Variants in CDH23 observed in about 807,000 individuals in gnomAD.
The protein encoded by CDH23 is cadherin-23.
CDH23 carries 189 observed loss-of-function variants against 317.1 expected under a neutral mutation model. That is an observed-to-expected ratio of 0.60 (90% CI 0.53 to 0.67). The LOEUF is 0.67. Among genes scored for constraint, CDH23 ranks in the 30% least tolerant of loss-of-function variants. The pLI, the probability that CDH23 is intolerant of heterozygous loss-of-function variation, is 0.00. For missense variants in CDH23, 4,401 were observed against 4,592.4 expected (o/e 0.96, Z 1.20); for synonymous variants, 1,839 against 1,876.8 (o/e 0.98, Z 0.52).
intron 9 of CDH23, among the ~76,000 whole-genome samples, chr10:71,612,273 G>T (rs1437304256): frequency 1.3e-5 from 2 of 151,788 alleles, no homozygotes; most frequent in Admixed American, 6.6e-5. Flanking sequence ...TCTTGAGTTT[G>T]GTTGAATGTG....
chr10:71,682,327 A>G, intron 17 of CDH23, 118 bp from the exon 18 acceptor site: 1 of 1,363,950 alleles, frequency 7.3e-7, no homozygotes, highest in Non-Finnish European at 1.0e-6. Context: ...TTCAGAAAAC[A>G]AGCCAGAGCT....
intron 11 of CDH23, among the ~76,000 whole-genome samples, chr10:71,627,741 G>T (rs923637409): frequency 1.4e-4 from 21 of 152,166 alleles, no homozygotes; most frequent in Non-Finnish European, 2.9e-4. Flanking sequence ...TCCCTGGCAG[G>T]CTCCTTCCCC....
At chr10:71,814,015 A>C (rs2133012027) in intron 69 of CDH23, among the ~76,000 whole-genome samples, 1 of 152,346 alleles carries the variant, frequency 6.6e-6, no homozygotes, top group East Asian at 1.9e-4. Context: ...CCTAAAAACG[A>C]ATCTCCAGCT....
At chr10:71,533,770 G>A (rs974263057) in intron 6 of CDH23, among the ~76,000 whole-genome samples, 6 of 152,100 alleles carry the variant, frequency 3.9e-5, no homozygotes, top group Non-Finnish European at 8.8e-5. Context: ...GGGGTCTCTG[G>A]TGGCTGCAGA....
At chr10:71,446,152 C>A (rs1403970892) in intron 2 of CDH23, among the ~76,000 whole-genome samples, 166 bp from the exon 3 acceptor site, 1 of 152,228 alleles carries the variant, frequency 6.6e-6, no homozygotes, top group African/African-American at 2.4e-5. Context: ...GGCATTGTCC[C>A]CCACTTGCCT....
In CDH23 at chr10:71,709,328, A is replaced by G. The variant is rs79619213; in HGVS notation, c.3220+117A>G. 4.6e-3 allele frequency: 3,721 copies of G among 809,832 alleles called. 98 individuals are homozygous for G. In the African/African-American group the frequency reaches 0.056, roughly 12 times the overall value. 50.2% of individuals were successfully genotyped at this position (809,832 alleles called of 1,614,324 possible). ...ACTCTGCCCAGATGCCAGTGGAGAA[A>G]GGGCCACCAGGCACTCACCAAACAT... On this transcript the variant is annotated intron_variant, in intron 27 of 69. Coordinates refer to ENST00000224721, the MANE Select transcript of CDH23 (RefSeq NM_022124.6).
chr10:71,796,048 G>T, intron 48 of CDH23: 1 of 933,744 alleles, frequency 1.1e-6, no homozygotes. Context: ...AGTAGGAAGA[G>T]GAGGAGGAGG....
chr10:71,806,091 G>A (rs904683189), intron 56 of CDH23, 77 bp from the exon 57 acceptor site: 18 of 1,531,408 alleles, frequency 1.2e-5, no homozygotes, highest in Middle Eastern at 2.0e-4. Flanking sequence ...AGTCCCTAGG[G>A]GAACTGGCCA....
At chr10:71,458,497 T>C (rs1850809725) in intron 3 of CDH23, among the ~76,000 whole-genome samples, 1 of 152,256 alleles carries the variant, frequency 6.6e-6, no homozygotes, top group Non-Finnish European at 1.5e-5. Context: ...CTGGACAACC[T>C]CATAGGGAGC....
In CDH23 at chr10:71,738,927, G is replaced by A. The variant is rs576824981; in HGVS notation, c.4359+280G>A. On this transcript the variant is annotated intron_variant, in intron 35 of 69. Coordinates refer to ENST00000224721, the MANE Select transcript of CDH23 (RefSeq NM_022124.6). Reference sequence around the variant, plus strand: ...TGTTTTCCGGGTAACTCCTTCCCACGCAGCCCCAGCTCCCTGAGAGGACAT... The same window carrying A: ...TGTTTTCCGGGTAACTCCTTCCCACACAGCCCCAGCTCCCTGAGAGGACAT... Among the ~76,000 whole-genome samples the A allele has an allele frequency of 7.2e-5, 11 of 152,324 alleles. No homozygotes were observed. In the East Asian group the frequency reaches 7.7e-4, roughly 11 times the overall value.
intron 14 of CDH23, among the ~76,000 whole-genome samples, chr10:71,650,775 C>T (rs1863130996): frequency 6.6e-6 from 1 of 152,206 alleles, no homozygotes; most frequent in African/African-American, 2.4e-5. Context: ...AGTCCTGCCT[C>T]CTGACCTGGC....
intron 6 of CDH23, among the ~76,000 whole-genome samples, chr10:71,532,705 G>GTTTTT (rs1564636223): frequency 6.7e-5 from 4 of 59,736 alleles, no homozygotes; most frequent in Non-Finnish European, 1.0e-4. Context: ...GTTTTCTTTT[G>GTTTTT]TTTTTGTTTT....
chr10:71,694,267 C>A lies in CDH23; in HGVS notation c.2289+8C>A. ...AAAACTGGCATCGCCACCGTGAGTG[C>A]GCTCCCCTCCCGTGCCCCAGCTCCC... On this transcript the variant is annotated splice_region_variant and intron_variant, in intron 21 of 69. Transcript: ENST00000224721. 6.2e-7 allele frequency: 1 copy of A among 1,601,500 alleles called. No homozygotes were observed. Among genetic ancestry groups the A allele is most frequent in the East Asian group, 2.2e-5 (1 of 44,692 alleles).
chr10:71,672,288 G>A (rs1313417324), intron 14 of CDH23, among the ~76,000 whole-genome samples: 1 of 152,072 alleles, frequency 6.6e-6, no homozygotes, highest in Non-Finnish European at 1.5e-5. Context: ...GGCCGACAAT[G>A]TGTGTAGGAG....
At chr10:71,809,265 G>C (rs886159944) in intron 60 of CDH23, among the ~76,000 whole-genome samples, 1 of 134,528 alleles carries the variant, frequency 7.4e-6, no homozygotes, top group African/African-American at 2.8e-5. Flanking sequence ...TGCAGCCTCT[G>C]CCTCCTGGAT....
At chr10:71,682,657 G>T in intron 18 of CDH23, 85 bp downstream of exon 18, 2 of 1,523,950 alleles carry the variant, frequency 1.3e-6, no homozygotes, top group South Asian at 2.4e-5. Context: ...TAGGACTGTG[G>T]CCCCCACCTC....
At chr10:71,537,615 A>G (rs1384730039) in intron 6 of CDH23, among the ~76,000 whole-genome samples, 1 of 152,184 alleles carries the variant, frequency 6.6e-6, no homozygotes, top group Non-Finnish European at 1.5e-5. Flanking sequence ...ATGAAGGAAC[A>G]GTGTGTGGAC....
At chr10:71,793,977 G>T (rs762212597) in intron 48 of CDH23, among the ~76,000 whole-genome samples, 1 of 151,962 alleles carries the variant, frequency 6.6e-6, no homozygotes, top group Non-Finnish European at 1.5e-5. Flanking sequence ...GTAATACCTT[G>T]TTTGTTCTTT....
chr10:71,448,059 A>G (rs777133302), intron 3 of CDH23, among the ~76,000 whole-genome samples: 1 of 152,232 alleles, frequency 6.6e-6, no homozygotes, highest in African/African-American at 2.4e-5. Context: ...GTGGCCAGTC[A>G]CTAACTGACC....
Sources: gnomAD v4.1 joint callset for allele counts (sites outside exome capture counted in the v4.1 genomes callset) on GRCh38, gnomAD v4.1.1 for gene constraint, MANE v1.5 for transcripts, NCBI Gene and HGNC (gene_info 2026-07-23, HGNC 2026-07-21) for gene names.